Variants in DPP6 observed in about 807,000 individuals in gnomAD.
The protein encoded by DPP6 is dipeptidyl peptidase like 6.
In DPP6, 69 loss-of-function variants were observed where a neutral mutation model predicts 122.6. That is an observed-to-expected ratio of 0.56 (90% CI 0.46 to 0.69). DPP6 has a LOEUF of 0.69. Among genes scored for constraint, DPP6 ranks in the 30% least tolerant of loss-of-function variants. DPP6 has a pLI of 0.00. For synonymous variants in DPP6, 418 were observed against 433.1 expected (o/e 0.97, Z 0.43); for missense variants, 928 against 1,116.9 (o/e 0.83, Z 2.41).
intron 4 of DPP6, among the ~76,000 whole-genome samples, chr7:154,547,200 G>A (rs1829266587): frequency 6.6e-6 from 1 of 152,206 alleles, no homozygotes; most frequent in Non-Finnish European, 1.5e-5. Context: ...AACTTCAGTG[G>A]GCCAGCAATG....
intron 7 of DPP6, among the ~76,000 whole-genome samples, chr7:154,713,820 T>C (rs528507825): frequency 5.9e-5 from 9 of 152,328 alleles, no homozygotes; most frequent in Admixed American, 3.9e-4. Context: ...GTGATTAACA[T>C]TGGGTTCCTT....
chr7:154,184,599 G>A (rs1798262220), intron 1 of DPP6, among the ~76,000 whole-genome samples: 1 of 151,784 alleles, frequency 6.6e-6, no homozygotes, highest in Non-Finnish European at 1.5e-5. Context: ...AGTGCCCGGA[G>A]TGAACAGATT....
chr7:154,010,455 A>T (rs1476513425), intron 1 of DPP6, among the ~76,000 whole-genome samples: 1 of 152,196 alleles, frequency 6.6e-6, no homozygotes, highest in Admixed American at 6.5e-5. Context: ...ATTAAACGAG[A>T]ATTATTTATT....
At chr7:153,898,278 C>T (rs879365830) in intron 1 of DPP6, among the ~76,000 whole-genome samples, 8 of 152,062 alleles carry the variant, frequency 5.3e-5, no homozygotes, top group South Asian at 2.1e-4. Flanking sequence ...CACAACAAGA[C>T]GCCATCTCTA....
chr7:154,801,172 C>T (rs763931817), intron 12 of DPP6, among the ~76,000 whole-genome samples, 183 bp from the exon 13 acceptor site: 48 of 152,094 alleles, frequency 3.2e-4, no homozygotes, highest in Non-Finnish European at 5.7e-4. Context: ...TTTTAGAAAA[C>T]GTAACAGTTG....
At chr7:154,563,923 C>T (rs1467949398) in intron 4 of DPP6, among the ~76,000 whole-genome samples, 1 of 152,088 alleles carries the variant, frequency 6.6e-6, no homozygotes. Flanking sequence ...TTTTTAGAAC[C>T]ATGAGACTGG....
intron 1 of DPP6, among the ~76,000 whole-genome samples, chr7:153,918,462 ACACACTCTCTCT>A (rs1800435786): frequency 1.2e-5 from 1 of 80,222 alleles, no homozygotes; most frequent in South Asian, 4.8e-4. Context: ...ACACACACAC[ACACACTCTCTCT>A]CTCTCTCTCT....
rs1162706384 is a variant in DPP6, at chr7:154,772,879, T to C, written c.1073T>C (p.Val358Ala). The part of the protein sequence containing the change: ...GSENPSISLH[V>A]IGLNGPTHDL... ...GAGAACCCCAGCATTTCCCTACACG[T>C]TATTGGCTTAAATGGACCCACCCAT... is the stretch of plus-strand genomic sequence containing the variant. Residue 358 changes from valine to alanine, a missense_variant, in exon 10 of 26, where the codon GTT becomes GCT. Coordinates refer to ENST00000377770, the MANE Select transcript of DPP6 (RefSeq NM_130797.4). 1.9e-6 allele frequency: 3 copies of C among 1,613,458 alleles called. No homozygotes were observed. The highest frequency in any genetic ancestry group is 3.3e-4 in the Middle Eastern group (2 of 6,062).
At chr7:154,506,678 G>A (rs1000136605) in intron 3 of DPP6, among the ~76,000 whole-genome samples, 22 of 152,030 alleles carry the variant, frequency 1.4e-4, no homozygotes, top group South Asian at 2.1e-4. Context: ...TGCTAAAGGC[G>A]TAAAAAGATG....
intron 1 of DPP6, among the ~76,000 whole-genome samples, chr7:154,171,702 C>T (rs1427666182): frequency 1.3e-5 from 2 of 152,092 alleles, no homozygotes; most frequent in South Asian, 2.1e-4. Context: ...CCCAGGGCCA[C>T]GTGGACAGGG....
At chr7:154,244,062 C>T (rs1801820152) in intron 1 of DPP6, among the ~76,000 whole-genome samples, 1 of 151,852 alleles carries the variant, frequency 6.6e-6, no homozygotes, top group South Asian at 2.1e-4. Context: ...CAAGAAACCC[C>T]ACTGGTATAA....
intron 4 of DPP6, among the ~76,000 whole-genome samples, chr7:154,548,798 A>G (rs1829409789): frequency 6.6e-6 from 1 of 152,200 alleles, no homozygotes; most frequent in Non-Finnish European, 1.5e-5. Context: ...AACATAATAT[A>G]TTTTGCAACG....
intron 1 of DPP6, among the ~76,000 whole-genome samples, chr7:154,184,870 G>C (rs907487943): frequency 6.6e-6 from 1 of 152,168 alleles, no homozygotes; most frequent in Non-Finnish European, 1.5e-5. Flanking sequence ...TGTTTACTCA[G>C]AGCAAAAGTT....
At chr7:153,801,135 C>A in the DPP6 span, among the ~76,000 whole-genome samples, 65 of 150,240 alleles carry the variant, frequency 4.3e-4, no homozygotes, top group Middle Eastern at 3.4e-3. Flanking sequence ...TTTCAAAGCC[C>A]TGTGTGCGCT....
intron 1 of DPP6, among the ~76,000 whole-genome samples, chr7:154,155,786 TG>T (rs1456053983): frequency 5.9e-5 from 9 of 152,222 alleles, no homozygotes; most frequent in Admixed American, 5.9e-4. Context: ...CCACTGTTGC[TG>T]GGTTGTGTAT....
At chr7:153,961,677 A>G (rs569506898) in intron 1 of DPP6, among the ~76,000 whole-genome samples, 2 of 151,608 alleles carry the variant, frequency 1.3e-5, no homozygotes, top group Admixed American at 6.6e-5. Context: ...ACAACTCCCC[A>G]TAATATAGAA....
intron 1 of DPP6, among the ~76,000 whole-genome samples, chr7:154,296,848 C>T (rs564909042): frequency 6.6e-6 from 1 of 152,292 alleles, no homozygotes; most frequent in South Asian, 2.1e-4. Context: ...GGATACTGAG[C>T]CCTGTTTGAT....
At chr7:153,930,930 C>A (rs886622025) in intron 1 of DPP6, among the ~76,000 whole-genome samples, 5 of 152,254 alleles carry the variant, frequency 3.3e-5, no homozygotes, top group Non-Finnish European at 4.4e-5. Context: ...GCTTCATAGG[C>A]GCAGCTTGTT....
intron 1 of DPP6, among the ~76,000 whole-genome samples, chr7:154,338,516 A>G (rs547351115): frequency 7.2e-4 from 109 of 152,322 alleles, no homozygotes; most frequent in Middle Eastern, 3.4e-3. Flanking sequence ...AAGAAAAAGA[A>G]AGAAAAGAAG....
Sources: gnomAD v4.1 joint callset for allele counts (sites outside exome capture counted in the v4.1 genomes callset) on GRCh38, gnomAD v4.1.1 for gene constraint, MANE v1.5 for transcripts, NCBI Gene and HGNC (gene_info 2026-07-23, HGNC 2026-07-21) for gene names.